The following BMP6 variants were observed in gnomAD, a reference collection of about 807,000 sequenced individuals.
BMP6 encodes bone morphogenetic protein 6.
Under a neutral mutation model 54.1 loss-of-function variants are expected in BMP6, and 17 were observed. That is an observed-to-expected ratio of 0.31 (90% CI 0.22 to 0.47). The LOEUF (loss-of-function observed/expected upper bound fraction) is 0.47. BMP6 is among the 20% of genes least tolerant of loss of function. BMP6 has a pLI of 1.00. For synonymous variants in BMP6, 328 were observed against 291.2 expected (o/e 1.13, Z -1.28); for missense variants, 720 against 690.4 (o/e 1.04, Z -0.48).
At chr6:7,811,657 C>T (rs1041873655) in intron 1 of BMP6, among the ~76,000 whole-genome samples, 5 of 152,296 alleles carry the variant, frequency 3.3e-5, no homozygotes, top group South Asian at 2.1e-4. Context: ...TTGACTGTAA[C>T]GGGAGTTACA....
At chr6:7,746,194 T>C (rs1184423182) in intron 1 of BMP6, among the ~76,000 whole-genome samples, 1 of 152,164 alleles carries the variant, frequency 6.6e-6, no homozygotes, top group Non-Finnish European at 1.5e-5. Context: ...CGTGAGTGGC[T>C]ACTGGTGCTG....
In BMP6 at chr6:7,755,007, C is replaced by T. The variant is rs113269072; in HGVS notation, c.664+27388C>T. Reference sequence around the variant, plus strand: ...TGCTGGGATTACAGGCGTGAGCCACCGCGCCCGGACTAATTTTCTAACCTT... The same window carrying T: ...TGCTGGGATTACAGGCGTGAGCCACTGCGCCCGGACTAATTTTCTAACCTT... On this transcript the variant is annotated intron_variant, in intron 1 of 6. Coordinates refer to ENST00000283147, the MANE Select transcript of BMP6 (RefSeq NM_001718.6). Among the ~76,000 whole-genome samples, 463 of 152,310 alleles carry T rather than the reference C, an allele frequency of 3.0e-3. 6 individuals carry two copies. Among genetic ancestry groups the T allele is most frequent in the African/African-American group, 0.011 (437 of 41,572 alleles).
chr6:7,840,476 T>G (rs1180469557), intron 1 of BMP6, among the ~76,000 whole-genome samples: 2 of 152,214 alleles, frequency 1.3e-5, no homozygotes, highest in Non-Finnish European at 2.9e-5. Flanking sequence ...ATTTACATTT[T>G]AAATCTTAAA....
intron 1 of BMP6, among the ~76,000 whole-genome samples, chr6:7,736,657 T>C (rs1333426809): frequency 2.6e-5 from 4 of 152,244 alleles, no homozygotes; most frequent in African/African-American, 7.2e-5. Flanking sequence ...TAAATAAATA[T>C]GAGAATACAA....
At chr6:7,771,712 C>T (rs975172482) in intron 1 of BMP6, among the ~76,000 whole-genome samples, 1 of 152,068 alleles carries the variant, frequency 6.6e-6, no homozygotes, top group South Asian at 2.1e-4. Flanking sequence ...GCAGGGCAGG[C>T]TGTATAGCAG....
rs1581283700 is a variant in BMP6 at position 7,862,217 on chromosome 6, A to G, written c.1007-84A>G. The G allele has an allele frequency of 1.2e-5, 18 of 1,468,978 alleles. No individual in the cohort carries two copies. The East Asian group carries it at 3.4e-4, about 28-fold the overall frequency. The allele number at this position is 1,468,978 out of a possible 1,614,324, so 91.0% of individuals were successfully genotyped here. A position where few individuals can be genotyped will look rare whatever the true frequency, so the allele number is the denominator to read the frequency against. ...ATTCTTAAGGATTAGCACTTAGGAA[A>G]CTAGGAAGTATCCCTTAACTGTTGT... On this transcript the variant is annotated intron_variant, in intron 3 of 6. Transcript: ENST00000283147.
At chr6:7,858,293 C>T (rs967932674) in intron 2 of BMP6, among the ~76,000 whole-genome samples, 3 of 152,054 alleles carry the variant, frequency 2.0e-5, no homozygotes, top group African/African-American at 7.3e-5. Context: ...CCATGTTTCC[C>T]AGGCTGGTCT....
At chr6:7,831,754 G>A (rs749098070) in intron 1 of BMP6, among the ~76,000 whole-genome samples, 1 of 152,220 alleles carries the variant, frequency 6.6e-6, no homozygotes, top group Non-Finnish European at 1.5e-5. Flanking sequence ...GATGTGTTCA[G>A]CAGGTTCTCC....
At chr6:7,854,523 G>A (rs991079140) in intron 2 of BMP6, among the ~76,000 whole-genome samples, 1 of 152,240 alleles carries the variant, frequency 6.6e-6, no homozygotes, top group African/African-American at 2.4e-5. Flanking sequence ...GGGGCTGGGT[G>A]CAGTGGCTCA....
chr6:7,829,165 A>G (rs1758749548), intron 1 of BMP6, among the ~76,000 whole-genome samples: 1 of 152,198 alleles, frequency 6.6e-6, no homozygotes, highest in Non-Finnish European at 1.5e-5. Flanking sequence ...TTTAGTGTTT[A>G]TTTAAGCTGC....
intron 4 of BMP6, among the ~76,000 whole-genome samples, chr6:7,870,240 C>G (rs971991294): frequency 5.3e-5 from 8 of 152,154 alleles, no homozygotes; most frequent in African/African-American, 1.9e-4. Flanking sequence ...TGCTTTATTC[C>G]GAGGTGAATT....
intron 1 of BMP6, among the ~76,000 whole-genome samples, chr6:7,814,404 C>T (rs1436678695): frequency 6.6e-6 from 1 of 152,180 alleles, no homozygotes; most frequent in Non-Finnish European, 1.5e-5. Context: ...CTTAGCTTCT[C>T]TTCATTCATA....
At chr6:7,864,497 C>T (rs1759387909) in intron 4 of BMP6, among the ~76,000 whole-genome samples, 2 of 152,190 alleles carry the variant, frequency 1.3e-5, no homozygotes, top group Admixed American at 6.5e-5. Context: ...TAAAATAATT[C>T]TGGAAGATGC....
At chr6:7,729,000 G>A (rs1761802187) in intron 1 of BMP6, among the ~76,000 whole-genome samples, 2 of 152,234 alleles carry the variant, frequency 1.3e-5, no homozygotes, top group African/African-American at 2.4e-5. Flanking sequence ...TGGCATCCAA[G>A]TGGTGCAGAA....
At chr6:7,733,785 C>G (rs1393185073) in intron 1 of BMP6, among the ~76,000 whole-genome samples, 1 of 152,146 alleles carries the variant, frequency 6.6e-6, no homozygotes, top group African/African-American at 2.4e-5. Flanking sequence ...CCACTGGAAA[C>G]GTGTGAGTCG....
chr6:7,796,021 T>C (rs765226099), intron 1 of BMP6, among the ~76,000 whole-genome samples: 1 of 152,042 alleles, frequency 6.6e-6, no homozygotes, highest in Non-Finnish European at 1.5e-5. Context: ...AGAAAGGTGA[T>C]AGAGATTTAG....
intron 1 of BMP6, among the ~76,000 whole-genome samples, chr6:7,729,775 C>T (rs535871462): frequency 2.4e-4 from 36 of 152,222 alleles, no homozygotes; most frequent in African/African-American, 7.9e-4. Context: ...GTGGGTGTTA[C>T]GTGGGAGGTA....
chr6:7,881,532 G>GCTCTT lies in BMP6; in HGVS notation c.*1189_*1190insCTCTT, dbSNP rs1759737060. 1.3e-5 allele frequency: 2 copies of GCTCTT among 152,134 alleles called. No individual in the cohort carries two copies. Among genetic ancestry groups the GCTCTT allele is most frequent in the Non-Finnish European group, 2.9e-5 (2 of 67,942 alleles). The allele number at this position is 152,134 out of a possible 1,614,324, so 9.4% of individuals were successfully genotyped here. A position where few individuals can be genotyped will look rare whatever the true frequency, so the allele number is the denominator to read the frequency against. On this transcript the variant is annotated 3_prime_UTR_variant, in exon 7 of 7. Transcript: ENST00000283147. ...AAGACCAGACTTTTAAAAAAAAAGA[G>GCTCTT]TTTATTTAGAAAGTATCATAGTGTA...
At chr6:7,755,656 C>T (rs1006981264) in intron 1 of BMP6, among the ~76,000 whole-genome samples, 2 of 151,900 alleles carry the variant, frequency 1.3e-5, no homozygotes, top group African/African-American at 4.8e-5. Flanking sequence ...TTTTGTAGAT[C>T]AACATTTTTT....
Sources: allele counts gnomAD v4.1 joint callset (sites outside exome capture counted in the v4.1 genomes callset), GRCh38; gene constraint gnomAD v4.1.1; transcripts MANE v1.5; gene names NCBI Gene and HGNC (gene_info 2026-07-23, HGNC 2026-07-21).